Variants in ARHGAP22 observed in about 807,000 individuals in gnomAD.
ARHGAP22 encodes the protein rho GTPase-activating protein 22.
Under a neutral mutation model 59.1 loss-of-function variants are expected in ARHGAP22, and 48 were observed. The observed-to-expected ratio is 0.81, with a 90% CI of 0.64 to 1.03. The LOEUF is 1.03. Ranked by LOEUF, ARHGAP22 falls within the 50% of genes least tolerant of loss-of-function variation. ARHGAP22 has a pLI of 0.00. For synonymous variants in ARHGAP22, 445 were observed against 416.4 expected (o/e 1.07, Z -0.84); for missense variants, 1,015 against 958.7 (o/e 1.06, Z -0.78).
At chr10:48,606,427 A>C (rs2060675534), upstream of ARHGAP22, among the ~76,000 whole-genome samples, 1 of 152,124 alleles carries the variant, frequency 6.6e-6, no homozygotes, top group Non-Finnish European at 1.5e-5. Flanking sequence ...AAGCTGTCTT[A>C]CTCAGCATCA....
chr10:48,592,413 G>A lies in ARHGAP22; in HGVS notation c.35-9261C>T, dbSNP rs1041969286. 6.6e-5 allele frequency among the ~76,000 whole-genome samples: 10 copies of A among 152,288 alleles called. No homozygotes were observed. In the East Asian group the frequency reaches 1.4e-3, roughly 21 times the overall value. On this transcript the variant is annotated intron_variant, in intron 1 of 9. Coordinates refer to ENST00000249601, the MANE Select transcript of ARHGAP22 (RefSeq NM_021226.4). ...GACTCTCACATTGTTCAACCCAAGC[G>A]TCCAGTCAGTCCTCCCATTCTTTGG...
intron 1 of ARHGAP22, among the ~76,000 whole-genome samples, chr10:48,623,273 C>A (rs942353070): frequency 4.6e-5 from 7 of 152,232 alleles, no homozygotes; most frequent in Admixed American, 1.3e-4. Flanking sequence ...TGCTGCCCAG[C>A]TGGTCAGCCA....
chr10:48,619,710 AAG>A (rs1266900085), intron 1 of ARHGAP22, among the ~76,000 whole-genome samples: 1 of 152,260 alleles, frequency 6.6e-6, no homozygotes, highest in Non-Finnish European at 1.5e-5. Context: ...AAATGGATTA[AAG>A]ACTTAAATGT....
intron 7 of ARHGAP22, 143 bp from the exon 8 acceptor site, chr10:48,453,568 A>G: frequency 8.0e-7 from 1 of 1,248,556 alleles, no homozygotes; most frequent in South Asian, 1.3e-5. Flanking sequence ...TGCCTCTGCC[A>G]GGCTCGATGA....
the ARHGAP22 span, chr10:48,436,115 A>C: frequency 6.6e-6 from 1 of 152,346 alleles, no homozygotes; most frequent in East Asian, 1.9e-4. Context: ...CCCTACCTAG[A>C]TTTGTGTAGG....
At position 48,459,784 on chromosome 10, in the gene ARHGAP22, C is replaced by T. The variant is rs757641967; in HGVS notation, c.559G>A (p.Gly187Arg). 8.7e-6 allele frequency: 14 copies of T among 1,613,902 alleles called. No individual in the cohort carries two copies. Among genetic ancestry groups the T allele is most frequent in the Admixed American group, 1.7e-5 (1 of 60,032 alleles). Residue 187 changes from glycine to arginine, a missense_variant, in exon 5 of 10, where the codon GGG becomes AGG. Transcript: ENST00000249601. ...EQCVDFIRER[G>R]LTEEGLFRMP... is the part of the protein sequence containing the mutation. The stretch of plus-strand genomic sequence containing the variant: ...CGGAACAGCCCCTCCTCAGTGAGCC[C>T]GCGCTCCCGGATGAAGTCCACACAC...
intron 2 of ARHGAP22, among the ~76,000 whole-genome samples, chr10:48,565,162 A>G (rs1440208382): frequency 1.1e-5 from 1 of 93,084 alleles, no homozygotes; most frequent in African/African-American, 5.2e-5. Context: ...TCTGGTTTTA[A>G]TCCTGACTAC....
intron 6 of ARHGAP22, among the ~76,000 whole-genome samples, chr10:48,454,761 G>A (rs564927556): frequency 3.9e-5 from 6 of 152,160 alleles, no homozygotes; most frequent in Admixed American, 6.5e-5. Flanking sequence ...GACCAAGGCC[G>A]CAGACAGGTA....
upstream of ARHGAP22, among the ~76,000 whole-genome samples, chr10:48,607,690 G>A (rs1384717120): frequency 6.6e-6 from 1 of 152,246 alleles, no homozygotes; most frequent in Non-Finnish European, 1.5e-5. Flanking sequence ...AGGAGTGGGA[G>A]ATACAGGTCT....
Position 48,450,707 on chromosome 10 carries a change from G to A in ARHGAP22, c.1422C>T (p.Ala474=). ...GLSSLRGHRR[A]SSGDRLKDSG... ...AGTCCTTGAGCCGGTCTCCCGACGA[G>A]GCCCGGCGGTGTCCGCGCAGGGAGG... The change falls in exon 9 of 10, where the codon GCC becomes GCT. Residue 474 remains alanine, a synonymous_variant. Transcript: ENST00000249601. 1 of 1,553,548 alleles carries A rather than the reference G, an allele frequency of 6.4e-7. No homozygotes were observed. Among genetic ancestry groups the A allele is most frequent in the African/African-American group, 1.4e-5 (1 of 73,410 alleles).
At chr10:48,454,467 G>C (rs1392692900) in intron 6 of ARHGAP22, among the ~76,000 whole-genome samples, 2 of 152,170 alleles carry the variant, frequency 1.3e-5, no homozygotes, top group Admixed American at 6.5e-5. Flanking sequence ...CAGATAGTGA[G>C]CCCTCATCTC....
intron 1 of ARHGAP22, among the ~76,000 whole-genome samples, chr10:48,595,413 G>A (rs2060009133): frequency 1.3e-5 from 2 of 152,172 alleles, no homozygotes; most frequent in Admixed American, 6.5e-5. Flanking sequence ...ACCTCCTTCC[G>A]GGTCCCACAC....
At chr10:48,517,724 T>A (rs1291710651) in intron 3 of ARHGAP22, among the ~76,000 whole-genome samples, 1 of 152,086 alleles carries the variant, frequency 6.6e-6, no homozygotes, top group Non-Finnish European at 1.5e-5. Flanking sequence ...AGGACTCCTC[T>A]CCAAGCAGGT....
chr10:48,513,413 A>T (rs1283477815), intron 3 of ARHGAP22, among the ~76,000 whole-genome samples: 3 of 152,234 alleles, frequency 2.0e-5, no homozygotes, highest in Non-Finnish European at 4.4e-5. Context: ...ACAAGCAGGA[A>T]GGGAAGACTA....
intron 3 of ARHGAP22, among the ~76,000 whole-genome samples, chr10:48,539,392 C>T (rs1390141845): frequency 2.0e-5 from 3 of 147,718 alleles, no homozygotes; most frequent in African/African-American, 7.6e-5. Context: ...CCCGGGTTCA[C>T]GCCATTCTCC....
At chr10:48,577,801 G>GTTTTTTTTTTTGT (rs2058828382) in intron 2 of ARHGAP22, among the ~76,000 whole-genome samples, 2 of 59,142 alleles carry the variant, frequency 3.4e-5, no homozygotes, top group Non-Finnish European at 5.8e-5. Flanking sequence ...CTCTTTTTTG[G>GTTTTTTTTTTTGT]TTTTTTTTTT....
rs199961184 is a variant in ARHGAP22, at chr10:48,450,252, G to T, written c.1868+9C>A. On this transcript the variant is annotated intron_variant, in intron 9 of 9. Coordinates refer to ENST00000249601, the MANE Select transcript of ARHGAP22 (RefSeq NM_021226.4). ...CCGTCACAGGAGGCTCCACGGGGCA[G>T]CAAGTTACCTTTTCACACTCCTCTC... is the stretch of plus-strand genomic sequence containing the variant. The T allele has an allele frequency of 2.8e-3, 4,516 of 1,607,206 alleles. 13 individuals carry two copies. The highest frequency in any genetic ancestry group is 3.7e-3 in the Non-Finnish European group (4,308 of 1,177,466).
chr10:48,452,909 G>T (rs1589432326), intron 8 of ARHGAP22, among the ~76,000 whole-genome samples: 2 of 152,182 alleles, frequency 1.3e-5, no homozygotes, highest in African/African-American at 2.4e-5. Context: ...ATTCTCCAGG[G>T]TTTGCAAAGC....
At chr10:48,633,809 T>C (rs998929234) in intron 1 of ARHGAP22, among the ~76,000 whole-genome samples, 82 of 152,296 alleles carry the variant, frequency 5.4e-4, no homozygotes, top group African/African-American at 1.9e-3. Context: ...AGAGACAGGA[T>C]CATTCCACGG....
Sources: gnomAD v4.1 joint callset for allele counts (sites outside exome capture counted in the v4.1 genomes callset) on GRCh38, gnomAD v4.1.1 for gene constraint, MANE v1.5 for transcripts, NCBI Gene and HGNC (gene_info 2026-07-23, HGNC 2026-07-21) for gene names.